CPA5: variants seen among roughly 807,000 people sequenced by gnomAD.
CPA5 encodes carboxypeptidase A5.
Under a neutral mutation model 52.2 loss-of-function variants are expected in CPA5, and 38 were observed. The observed-to-expected ratio is 0.73, with a 90% CI of 0.56 to 0.95. CPA5 has a LOEUF of 0.95. CPA5 is among the 40% of genes least tolerant of loss of function. The pLI, the probability that CPA5 is intolerant of heterozygous loss-of-function variation, is 0.00. For synonymous variants in CPA5, 198 were observed against 213.7 expected (o/e 0.93, Z 0.64); for missense variants, 519 against 566.7 (o/e 0.92, Z 0.86).
downstream of CPA5, among the ~76,000 whole-genome samples, chr7:130,371,010 C>G (rs943624769): frequency 6.6e-6 from 1 of 152,180 alleles, no homozygotes; most frequent in Admixed American, 6.5e-5. Flanking sequence ...TAGAGTACTT[C>G]CTGGGGGCTG....
At chr7:130,357,782 CT>C (rs1795564287) in intron 5 of CPA5, among the ~76,000 whole-genome samples, 1 of 152,114 alleles carries the variant, frequency 6.6e-6, no homozygotes, top group Non-Finnish European at 1.5e-5. Flanking sequence ...ATCTTGCATT[CT>C]TATGCTCAGG....
intron 3 of CPA5, among the ~76,000 whole-genome samples, chr7:130,347,023 T>C (rs1263952902): frequency 6.6e-6 from 1 of 152,168 alleles, no homozygotes; most frequent in African/African-American, 2.4e-5. Context: ...AGTTCTAGTA[T>C]TACACGCCAG....
At position 130,363,529 on chromosome 7, in the gene CPA5, TG is replaced by T; in HGVS notation, c.838+24del. The T allele has an allele frequency of 6.4e-7, 1 of 1,561,298 alleles. No homozygotes were observed. The highest frequency in any genetic ancestry group is 8.7e-7 in the Non-Finnish European group (1 of 1,148,890). ...TTGGAGGTATGGCAACCTGCTGTCC[TG>T]GGGCAGGGTTGGAGAAGAGGTGTTG... On this transcript the variant is annotated intron_variant, in intron 10 of 12. Coordinates refer to ENST00000474905, the MANE Select transcript of CPA5 (RefSeq NM_080385.5).
intron 4 of CPA5, among the ~76,000 whole-genome samples, chr7:130,349,207 T>C (rs2117300474): frequency 6.6e-6 from 1 of 152,194 alleles, no homozygotes; most frequent in East Asian, 1.9e-4. Context: ...CCAAGGTGGG[T>C]GGATCATCTG....
At chr7:130,364,556 T>C (rs1177743789) in intron 10 of CPA5, among the ~76,000 whole-genome samples, 1 of 152,220 alleles carries the variant, frequency 6.6e-6, no homozygotes, top group Non-Finnish European at 1.5e-5. Context: ...CAGCTGATCT[T>C]GAACTTTTGG....
At chr7:130,349,235 C>A (rs1241274364) in intron 4 of CPA5, among the ~76,000 whole-genome samples, 1 of 152,102 alleles carries the variant, frequency 6.6e-6, no homozygotes, top group African/African-American at 2.4e-5. Context: ...GAGTTCAAGA[C>A]CAGCCTGGCC....
At chr7:130,346,290 A>G in intron 2 of CPA5, 103 bp from the exon 3 acceptor site, 2 of 464,248 alleles carry the variant, frequency 4.3e-6, no homozygotes, top group Non-Finnish European at 3.8e-6. Context: ...CCTTCCCAGG[A>G]GAGGATGTGC....
chr7:130,349,522 A>G (rs1377351403), intron 4 of CPA5, among the ~76,000 whole-genome samples: 1 of 152,208 alleles, frequency 6.6e-6, no homozygotes, highest in Non-Finnish European at 1.5e-5. Flanking sequence ...CAGGGTGACT[A>G]TTGTCAATAA....
At chr7:130,358,700 T>G (rs551457395) in intron 5 of CPA5, among the ~76,000 whole-genome samples, 13 of 152,290 alleles carry the variant, frequency 8.5e-5, no homozygotes, top group Non-Finnish European at 1.8e-4. Flanking sequence ...CTGGGGTGCC[T>G]TGGCTCCTGG....
At chr7:130,346,947 C>A (rs868952669) in intron 3 of CPA5, among the ~76,000 whole-genome samples, 26 of 152,324 alleles carry the variant, frequency 1.7e-4, no homozygotes, top group African/African-American at 6.0e-4. Context: ...GAAGTTGTAG[C>A]CCCCACAAGA....
At chr7:130,362,862 C>T in intron 8 of CPA5, 22 bp from the exon 9 acceptor site, 1 of 1,529,524 alleles carries the variant, frequency 6.5e-7, no homozygotes. Context: ...GGCCTCCCAT[C>T]CCTCCTCACT....
Position 130,361,202 on chromosome 7 carries a change from G to C in CPA5, c.492G>C (p.Gln164His). Residue 164 changes from glutamine to histidine, a missense_variant, in exon 7 of 13, where the codon CAG (glutamine) becomes CAC (histidine). Physicochemically the swap from Gln to His is conservative, Grantham distance 24 (BLOSUM62 0). Coordinates refer to ENST00000474905, the MANE Select transcript of CPA5 (RefSeq NM_080385.5). ...ATTCCGATATTGTCTCAAAAATTCA[G>C]ATTGGCAACAGCTTTGAAAACCAGT... is the stretch of plus-strand genomic sequence containing the variant. Reference protein sequence around the residue: ...MEHSDIVSKIQIGNSFENQSI... With the variant: ...MEHSDIVSKIHIGNSFENQSI... 6.2e-7 allele frequency: 1 copy of C among 1,614,102 alleles called. No homozygotes were observed. Among genetic ancestry groups the C allele is most frequent in the Non-Finnish European group, 8.5e-7 (1 of 1,179,956 alleles).
At chr7:130,365,183 G>T (rs1796010397) in intron 10 of CPA5, among the ~76,000 whole-genome samples, 1 of 152,162 alleles carries the variant, frequency 6.6e-6, no homozygotes, top group East Asian at 1.9e-4. Context: ...CCTAGCGTGG[G>T]GGTTGTAACT....
At chr7:130,347,719 G>A (rs1554402681) in intron 3 of CPA5, 47 bp from the exon 4 acceptor site, 1 of 1,528,190 alleles carries the variant, frequency 6.5e-7, no homozygotes, top group South Asian at 1.1e-5. Context: ...CAGCCTTCCA[G>A]GGATCCTTCT....
chr7:130,354,808 C>T (rs1269917183), intron 5 of CPA5, among the ~76,000 whole-genome samples: 1 of 151,972 alleles, frequency 6.6e-6, no homozygotes, highest in Non-Finnish European at 1.5e-5. Flanking sequence ...TAGCGTACTG[C>T]AGCCTTGAAC....
At chr7:130,357,735 T>C (rs1795562255) in intron 5 of CPA5, among the ~76,000 whole-genome samples, 1 of 152,108 alleles carries the variant, frequency 6.6e-6, no homozygotes. Context: ...TTAGCAGGCA[T>C]TGCGAATATT....
intron 10 of CPA5, among the ~76,000 whole-genome samples, chr7:130,365,103 T>G (rs1554407879): frequency 6.6e-6 from 1 of 152,224 alleles, no homozygotes; most frequent in Non-Finnish European, 1.5e-5. Context: ...TTTTAAAATC[T>G]GGCTTCTTGG....
chr7:130,345,613 T>C (rs1584778657), intron 1 of CPA5: 1 of 152,224 alleles, frequency 6.6e-6, no homozygotes, highest in Admixed American at 6.5e-5. Flanking sequence ...CCTTCATGTC[T>C]AGCAGAAAAC....
At chr7:130,369,458 G>T (rs991082706), downstream of CPA5, among the ~76,000 whole-genome samples, 8 of 152,184 alleles carry the variant, frequency 5.3e-5, no homozygotes, top group African/African-American at 1.9e-4. Flanking sequence ...GATGGGACTG[G>T]CAGGCTGTAC....
Sources: allele counts gnomAD v4.1 joint callset (sites outside exome capture counted in the v4.1 genomes callset), GRCh38; gene constraint gnomAD v4.1.1; transcripts MANE v1.5; gene names NCBI Gene and HGNC (gene_info 2026-07-23, HGNC 2026-07-21).